The following DYNC1I1 variants were observed in gnomAD, a reference collection of about 807,000 sequenced individuals.
DYNC1I1 encodes the protein dynein cytoplasmic 1 intermediate chain 1, also known as cytoplasmic dynein 1 intermediate chain 1.
Under a neutral mutation model 86.6 loss-of-function variants are expected in DYNC1I1, and 43 were observed. The observed-to-expected ratio is 0.50, with a 90% confidence interval of 0.39 to 0.64. DYNC1I1 has a LOEUF of 0.64. Among genes scored for constraint, DYNC1I1 ranks in the 30% least tolerant of loss-of-function variants. The pLI is 0.00. For synonymous variants in DYNC1I1, 262 were observed against 283.7 expected (o/e 0.92, Z 0.77); for missense variants, 604 against 788.8 (o/e 0.77, Z 2.81).
chr7:96,109,673 C>T (rs1012196758), intron 16 of DYNC1I1, among the ~76,000 whole-genome samples: 2 of 151,914 alleles, frequency 1.3e-5, no homozygotes, highest in East Asian at 3.9e-4. Flanking sequence ...ATGGTTTATT[C>T]TTCAAATATA....
chr7:95,795,794 T>A (rs1039680059), intron 1 of DYNC1I1, among the ~76,000 whole-genome samples: 4 of 151,846 alleles, frequency 2.6e-5, no homozygotes, highest in Admixed American at 2.0e-4. Context: ...GAAATTAGGC[T>A]TAATACCTGG....
intron 6 of DYNC1I1, among the ~76,000 whole-genome samples, chr7:95,958,273 TAAGA>T (rs1200462130): frequency 2.0e-5 from 3 of 152,158 alleles, no homozygotes; most frequent in African/African-American, 7.2e-5. Flanking sequence ...ATTATATGAT[TAAGA>T]AAGGTAAATG....
intron 10 of DYNC1I1, among the ~76,000 whole-genome samples, chr7:96,007,734 C>G (rs1483227972): frequency 6.6e-6 from 1 of 152,132 alleles, no homozygotes; most frequent in Non-Finnish European, 1.5e-5. Context: ...TAAAAGAAGG[C>G]TAATGGATTT....
chr7:95,945,070 A>T (rs1309596224), intron 6 of DYNC1I1, among the ~76,000 whole-genome samples: 2 of 151,662 alleles, frequency 1.3e-5, no homozygotes, highest in Admixed American at 6.6e-5. Flanking sequence ...AAAATAATAA[A>T]AAAATTAAAA....
intron 16 of DYNC1I1, among the ~76,000 whole-genome samples, chr7:96,090,521 TA>T (rs11409738): frequency 6.0e-5 from 9 of 148,822 alleles, no homozygotes; most frequent in Admixed American, 1.3e-4. Flanking sequence ...AGTGTTACTG[TA>T]AAAAAAAAAC....
At chr7:96,051,526 C>T (rs1293050986) in intron 14 of DYNC1I1, among the ~76,000 whole-genome samples, 3 of 152,148 alleles carry the variant, frequency 2.0e-5, no homozygotes, top group Admixed American at 6.5e-5. Context: ...TCACTGACTT[C>T]CCCTGAATAT....
intron 6 of DYNC1I1, among the ~76,000 whole-genome samples, chr7:95,914,350 A>G (rs1205332621): frequency 1.3e-5 from 2 of 152,312 alleles, no homozygotes; most frequent in Non-Finnish European, 2.9e-5. Flanking sequence ...TTTATAGGCC[A>G]CTTGAAATCC....
At chr7:95,904,439 A>T (rs2116319848) in intron 6 of DYNC1I1, among the ~76,000 whole-genome samples, 1 of 152,290 alleles carries the variant, frequency 6.6e-6, no homozygotes, top group Admixed American at 6.5e-5. Context: ...AGCATTGAGA[A>T]ATTGGTCAGA....
chr7:96,018,394 A>C (rs1794452690), intron 10 of DYNC1I1, among the ~76,000 whole-genome samples: 1 of 152,222 alleles, frequency 6.6e-6, no homozygotes, highest in African/African-American at 2.4e-5. Flanking sequence ...TACTTCTCTG[A>C]GCCTGGGTTT....
intron 5 of DYNC1I1, among the ~76,000 whole-genome samples, chr7:95,861,996 T>G (rs552254672): frequency 6.6e-6 from 1 of 152,176 alleles, no homozygotes. Flanking sequence ...GGATATCCAC[T>G]GGCAAAAGAG....
chr7:96,006,187 T>A (rs1221678676), intron 10 of DYNC1I1, among the ~76,000 whole-genome samples: 1 of 152,168 alleles, frequency 6.6e-6, no homozygotes, highest in African/African-American at 2.4e-5. Flanking sequence ...ATATGTGTAA[T>A]GGGAGATATA....
chr7:95,790,858 G>C lies in DYNC1I1; in HGVS notation c.-9-13863G>C, dbSNP rs562470646. On this transcript the variant is annotated intron_variant, in intron 1 of 16. Transcript: ENST00000447467. Reference sequence around the variant, plus strand: ...CCAAAGTTGTTTGCTTTGGTTGTGAGGATAGAGTATTACCTTAGAGGCCTC... The same window carrying C: ...CCAAAGTTGTTTGCTTTGGTTGTGACGATAGAGTATTACCTTAGAGGCCTC... Among the ~76,000 whole-genome samples the C allele has an allele frequency of 2.0e-5, 3 of 152,274 alleles. No homozygotes were observed. In the East Asian group the frequency reaches 5.8e-4, roughly 29 times the overall value.
At chr7:95,970,465 G>A (rs1034316927) in intron 6 of DYNC1I1, among the ~76,000 whole-genome samples, 3 of 152,130 alleles carry the variant, frequency 2.0e-5, no homozygotes, top group South Asian at 2.1e-4. Flanking sequence ...AGATATATCC[G>A]AATCTGCACA....
intron 14 of DYNC1I1, among the ~76,000 whole-genome samples, chr7:96,044,248 AG>A (rs1219928096): frequency 6.6e-6 from 1 of 152,206 alleles, no homozygotes; most frequent in African/African-American, 2.4e-5. Flanking sequence ...TTTAAAAGGC[AG>A]AAAAAGCAAT....
At chr7:96,000,703 C>T (rs1416823290) in intron 10 of DYNC1I1, among the ~76,000 whole-genome samples, 1 of 152,170 alleles carries the variant, frequency 6.6e-6, no homozygotes, top group Non-Finnish European at 1.5e-5. Flanking sequence ...AAACCTGCCC[C>T]TCCAGCTTTC....
At chr7:96,074,550 CAAAAAAA>C (rs61571160) in intron 14 of DYNC1I1, among the ~76,000 whole-genome samples, 104 of 66,946 alleles carry the variant, frequency 1.6e-3, no homozygotes, top group African/African-American at 5.0e-3. Flanking sequence ...GACTCCGTCT[CAAAAAAA>C]AAAAAAAAAA....
At chr7:95,820,873 C>T (rs1016395439) in intron 4 of DYNC1I1, among the ~76,000 whole-genome samples, 4 of 152,216 alleles carry the variant, frequency 2.6e-5, no homozygotes, top group Admixed American at 1.3e-4. Context: ...CCATCATGGC[C>T]GGCCAGTGGT....
chr7:95,895,880 C>T (rs535090522), intron 6 of DYNC1I1, among the ~76,000 whole-genome samples: 13 of 152,314 alleles, frequency 8.5e-5, no homozygotes, highest in Admixed American at 7.2e-4. Flanking sequence ...CCACTAATTA[C>T]CTTAGGGCTG....
chr7:95,808,557 G>A (rs761563996), intron 2 of DYNC1I1, among the ~76,000 whole-genome samples: 1 of 152,154 alleles, frequency 6.6e-6, no homozygotes, highest in Non-Finnish European at 1.5e-5. Flanking sequence ...ATGCAATGAG[G>A]TGAGCTCAGT....
Sources: gnomAD v4.1 joint callset for allele counts (sites outside exome capture counted in the v4.1 genomes callset) on GRCh38, gnomAD v4.1.1 for gene constraint, MANE v1.5 for transcripts, NCBI Gene and HGNC (gene_info 2026-07-23, HGNC 2026-07-21) for gene names.